Variants in TBCK observed in about 807,000 individuals in gnomAD.
The protein encoded by TBCK is TBC1 domain containing kinase, also known as TBC domain-containing protein kinase-like protein.
TBCK carries 99 observed loss-of-function variants against 113.4 expected under a neutral mutation model. The observed-to-expected ratio is 0.87, with a 90% CI of 0.74 to 1.03. The LOEUF is 1.03. Ranked by LOEUF, TBCK falls within the 50% of genes least tolerant of loss-of-function variation. TBCK has a pLI of 0.00. For synonymous variants in TBCK, 369 were observed against 370.8 expected (o/e 1.00, Z 0.05); for missense variants, 1,045 against 1,061.3 (o/e 0.98, Z 0.21).
chr4:106,071,700 T>C (rs1737474951), intron 25 of TBCK, among the ~76,000 whole-genome samples: 1 of 152,206 alleles, frequency 6.6e-6, no homozygotes, highest in African/African-American at 2.4e-5. Context: ...CAGTGGGATG[T>C]TGAAGTCTCC....
intron 25 of TBCK, among the ~76,000 whole-genome samples, chr4:106,095,171 G>A (rs534719126): frequency 1.3e-5 from 2 of 152,218 alleles, no homozygotes; most frequent in Admixed American, 6.5e-5. Flanking sequence ...GCCTACACTT[G>A]AACACTACTG....
At chr4:106,291,009 T>C (rs1441554801) in intron 3 of TBCK, among the ~76,000 whole-genome samples, 2 of 152,104 alleles carry the variant, frequency 1.3e-5, no homozygotes, top group Admixed American at 6.5e-5. Flanking sequence ...ACAGAGACCA[T>C]AATAAATCAA....
chr4:106,304,122 T>C (rs1437025216), intron 2 of TBCK, among the ~76,000 whole-genome samples: 2 of 152,162 alleles, frequency 1.3e-5, no homozygotes, highest in Non-Finnish European at 2.9e-5. Context: ...CCTCAAAGTA[T>C]CTGTTTCAAG....
intron 23 of TBCK, among the ~76,000 whole-genome samples, chr4:106,156,781 C>T (rs761944786): frequency 6.6e-5 from 10 of 152,038 alleles, no homozygotes; most frequent in Non-Finnish European, 1.2e-4. Context: ...CTTTGGCCCA[C>T]GGCAGGTCCA....
intron 20 of TBCK, among the ~76,000 whole-genome samples, chr4:106,202,702 T>C (rs749095243): frequency 7.2e-5 from 11 of 152,052 alleles, no homozygotes; most frequent in Non-Finnish European, 1.3e-4. Context: ...TATTGCAAAT[T>C]GTGAGTGCTC....
chr4:106,287,571 T>A (rs1401227820), intron 3 of TBCK, among the ~76,000 whole-genome samples: 1 of 152,232 alleles, frequency 6.6e-6, no homozygotes, highest in Non-Finnish European at 1.5e-5. Flanking sequence ...TAACAGTGTG[T>A]GTTTGTTGAC....
intron 14 of TBCK, 37 bp from the exon 15 acceptor site, chr4:106,235,404 T>A: frequency 7.1e-7 from 1 of 1,400,442 alleles, no homozygotes; most frequent in Admixed American, 2.0e-5. Context: ...CGTCTCAAAT[T>A]ACCTAGTGCC....
chr4:106,183,960 G>A (rs572188471), intron 22 of TBCK, among the ~76,000 whole-genome samples: 1 of 151,970 alleles, frequency 6.6e-6, no homozygotes, highest in South Asian at 2.1e-4. Context: ...TATGCTCCTA[G>A]CAGGTATTGA....
chr4:106,131,383 C>T lies in TBCK; in HGVS notation c.2236-15005G>A, dbSNP rs189398484. Among the ~76,000 whole-genome samples the T allele has an allele frequency of 6.9e-3, 1,049 of 152,300 alleles. 8 individuals are homozygous for T. Among genetic ancestry groups the T allele is most frequent in the African/African-American group, 0.024 (989 of 41,570 alleles). ...ATCCCAGAACTCTGGGAGGCCAAGGCGGGCGGATCACCTGAGGTTGGGAGT... is the reference window on the plus strand; with the variant it reads ...ATCCCAGAACTCTGGGAGGCCAAGGTGGGCGGATCACCTGAGGTTGGGAGT... On this transcript the variant is annotated intron_variant, in intron 23 of 25. Coordinates refer to ENST00000394708, the MANE Select transcript of TBCK (RefSeq NM_001163435.3).
chr4:106,301,450 T>G (rs2125870574), intron 2 of TBCK, among the ~76,000 whole-genome samples: 2 of 152,244 alleles, frequency 1.3e-5, no homozygotes, highest in South Asian at 2.1e-4. Flanking sequence ...AAGATAAAAT[T>G]TGTTAACATA....
intron 24 of TBCK, among the ~76,000 whole-genome samples, chr4:106,108,492 A>G (rs528740756): frequency 9.9e-5 from 15 of 152,244 alleles, no homozygotes; most frequent in Non-Finnish European, 1.6e-4. Flanking sequence ...ACATAAGCAG[A>G]ACTAAAGACA....
intron 18 of TBCK, 30 bp downstream of exon 18, chr4:106,231,698 CA>C: frequency 6.3e-7 from 1 of 1,579,278 alleles, no homozygotes; most frequent in Non-Finnish European, 8.6e-7. Flanking sequence ...ATATTATGCG[CA>C]ATGATTATTT....
intron 23 of TBCK, among the ~76,000 whole-genome samples, chr4:106,131,855 C>G (rs1745978074): frequency 6.6e-6 from 1 of 152,126 alleles, no homozygotes; most frequent in Non-Finnish European, 1.5e-5. Context: ...CTGAGGTAGT[C>G]TCAGATGTTG....
At chr4:106,169,830 G>C (rs960682006) in intron 23 of TBCK, among the ~76,000 whole-genome samples, 5 of 152,058 alleles carry the variant, frequency 3.3e-5, no homozygotes, top group Non-Finnish European at 5.9e-5. Flanking sequence ...ATGGGAGATA[G>C]TGACAGATCA....
intron 7 of TBCK, among the ~76,000 whole-genome samples, chr4:106,249,720 C>T (rs911370153): frequency 2.6e-5 from 4 of 152,012 alleles, no homozygotes; most frequent in African/African-American, 9.7e-5. Flanking sequence ...TAGTATCAAT[C>T]TTTGTAATTA....
intron 23 of TBCK, among the ~76,000 whole-genome samples, chr4:106,120,124 C>A (rs572195536): frequency 1.3e-5 from 2 of 152,116 alleles, no homozygotes; most frequent in African/African-American, 4.8e-5. Context: ...GTGCGCGAGC[C>A]GAAGCAGGGC....
At chr4:106,077,097 T>C (rs72962513) in intron 25 of TBCK, among the ~76,000 whole-genome samples, 6,273 of 151,866 alleles carry the variant, frequency 0.041, 437 homozygotes, top group African/African-American at 0.14. Context: ...AGAGCAAGAG[T>C]GTACCTTAAA....
At position 106,288,358 on chromosome 4, in the gene TBCK, C is replaced by T. The variant is rs142459871; in HGVS notation, c.266+6736G>A. ...GCAGTGAGCTGAGATCGTACCACCG[C>T]ACTCCAGCCGGGGCGACAAAGCGAG... On this transcript the variant is annotated intron_variant, in intron 3 of 25. Coordinates refer to ENST00000394708, the MANE Select transcript of TBCK (RefSeq NM_001163435.3). Among the ~76,000 whole-genome samples, 98 of 151,896 alleles carry T rather than the reference C, an allele frequency of 6.5e-4. 1 individual carries two copies. In the East Asian group the frequency reaches 0.015, roughly 24 times the overall value.
intron 25 of TBCK, among the ~76,000 whole-genome samples, chr4:106,065,410 C>A (rs1315510314): frequency 2.0e-5 from 3 of 151,962 alleles, no homozygotes; most frequent in Non-Finnish European, 2.9e-5. Context: ...TTTTAAAAAA[C>A]GATTATTTTT....
Sources: allele counts gnomAD v4.1 joint callset (sites outside exome capture counted in the v4.1 genomes callset), GRCh38; gene constraint gnomAD v4.1.1; transcripts MANE v1.5; gene names NCBI Gene and HGNC (gene_info 2026-07-23, HGNC 2026-07-21).